Variants in NCBP1 observed in about 807,000 individuals in gnomAD.
NCBP1 encodes nuclear cap-binding protein subunit 1.
Under a neutral mutation model 111.7 loss-of-function variants are expected in NCBP1, and 16 were observed. The ratio of observed to expected loss-of-function variants is 0.14; its 90% confidence interval spans 0.10 to 0.22. The LOEUF is 0.22. Among genes scored for constraint, NCBP1 ranks in the 10% least tolerant of loss-of-function variants. The pLI is 1.00. For missense variants in NCBP1, 607 were observed against 957.5 expected (o/e 0.63, Z 4.83); for synonymous variants, 304 against 314.3 (o/e 0.97, Z 0.35).
chr9:97,640,890 A>T lies in NCBP1; in HGVS notation c.123+8A>T. 1 of 1,572,158 alleles carries T rather than the reference A, an allele frequency of 6.4e-7. No homozygotes were observed. Among genetic ancestry groups the T allele is most frequent in the Non-Finnish European group, 8.7e-7 (1 of 1,146,778 alleles). On this transcript the variant is annotated splice_region_variant and intron_variant, in intron 2 of 22. Transcript: ENST00000375147. The stretch of plus-strand genomic sequence containing the variant: ...TGTAAAGTAGGAGAAAAGGTATGTC[A>T]CACAATAGGCACAGGCTGTGATGGG...
At chr9:97,650,819 C>T (rs1827478696) in intron 9 of NCBP1, among the ~76,000 whole-genome samples, 2 of 152,100 alleles carry the variant, frequency 1.3e-5, no homozygotes, top group South Asian at 4.1e-4. Flanking sequence ...CGTATGATGC[C>T]AGTGTGTTTG....
intron 14 of NCBP1, among the ~76,000 whole-genome samples, chr9:97,657,693 C>G (rs1225053102): frequency 6.6e-6 from 1 of 152,078 alleles, no homozygotes; most frequent in Non-Finnish European, 1.5e-5. Context: ...TTTTCTCATT[C>G]CATTATTTTT....
chr9:97,664,414 C>T lies in NCBP1; in HGVS notation c.1872C>T (p.Phe624=). ...GTGCTGCCGTAGCAAATTGGATCTT[C>T]TCTTCAGAACTATCTCGTGACTTTA... The part of the protein sequence containing the change: ...VDCAAVANWI[F]SSELSRDFTR... The change falls in exon 19 of 23, where the codon TTC becomes TTT. Residue 624 remains phenylalanine (F), a synonymous_variant. Coordinates refer to ENST00000375147, the MANE Select transcript of NCBP1 (RefSeq NM_002486.5). 6.2e-7 allele frequency: 1 copy of T among 1,611,212 alleles called. No individual in the cohort carries two copies. Among genetic ancestry groups the T allele is most frequent in the East Asian group, 2.2e-5 (1 of 44,844 alleles).
chr9:97,640,708 A>G, intron 1 of NCBP1, 86 bp from the exon 2 acceptor site: 9 of 1,053,066 alleles, frequency 8.5e-6, no homozygotes, highest in Non-Finnish European at 1.3e-5. Context: ...GCCTGGTAGA[A>G]AAGAGATTAT....
chr9:97,634,707 C>T (rs1298469726), intron 1 of NCBP1: 1 of 152,188 alleles, frequency 6.6e-6, no homozygotes, highest in African/African-American at 2.4e-5. Context: ...CACAAATCCA[C>T]ACACCAAAAA....
At chr9:97,648,954 G>C (rs1050503409) in intron 8 of NCBP1, among the ~76,000 whole-genome samples, 1 of 151,988 alleles carries the variant, frequency 6.6e-6, no homozygotes, top group Non-Finnish European at 1.5e-5. Context: ...CGTCCGCTTC[G>C]TTTTCCCAAA....
intron 4 of NCBP1, among the ~76,000 whole-genome samples, chr9:97,644,732 T>C (rs369584344): frequency 4.2e-4 from 64 of 152,318 alleles, no homozygotes; most frequent in South Asian, 3.7e-3. Context: ...TAGTATAGCA[T>C]AGAAACGTAT....
At chr9:97,670,983 T>C (rs1279865261) in intron 22 of NCBP1, 103 bp from the exon 23 acceptor site, 2 of 656,950 alleles carry the variant, frequency 3.0e-6, no homozygotes, top group African/African-American at 3.7e-5. Flanking sequence ...CCCCTTCCTC[T>C]TTTCATCATT....
chr9:97,640,612 T>A (rs1471287961), intron 1 of NCBP1, among the ~76,000 whole-genome samples, 182 bp from the exon 2 acceptor site: 1 of 152,080 alleles, frequency 6.6e-6, no homozygotes, highest in Non-Finnish European at 1.5e-5. Context: ...ATATAGTGGC[T>A]CTGGGAATGG....
Position 97,661,041 on chromosome 9 carries a change from C to G in NCBP1, c.1573C>G (p.Pro525Ala), listed in dbSNP as rs1306811071. ...AATCTTCAGCATTCTGAAAGATGTA[C>G]CAAATCCTAACCAGGATGATGACGA... ...DEIFSILKDV[P>A]NPNQDDDDDE... Residue 525 changes from proline to alanine, a missense_variant, in exon 16 of 23, where the codon CCA (proline) becomes GCA (alanine). Physicochemically the swap from Pro to Ala is conservative, Grantham distance 27. Coordinates refer to ENST00000375147, the MANE Select transcript of NCBP1 (RefSeq NM_002486.5). 7 of 1,612,672 alleles carry G rather than the reference C, an allele frequency of 4.3e-6. No homozygotes were observed.
At chr9:97,660,864 T>A (rs553054191) in intron 15 of NCBP1, 82 bp from the exon 16 acceptor site, 112 of 1,463,380 alleles carry the variant, frequency 7.7e-5, no homozygotes, top group African/African-American at 3.0e-4. Flanking sequence ...TTAAAAAAAA[T>A]TTTTCTCAGT....
intron 16 of NCBP1, among the ~76,000 whole-genome samples, chr9:97,661,427 C>A (rs1465993935): frequency 6.6e-6 from 1 of 152,164 alleles, no homozygotes; most frequent in Non-Finnish European, 1.5e-5. Context: ...TAATGTTTAA[C>A]ATTTACTCAG....
rs1184462536 is a variant in NCBP1, at chr9:97,640,833, A to G, written c.74A>G (p.Asn25Ser). The G allele has an allele frequency of 3.1e-6, 5 of 1,610,174 alleles. No homozygotes were observed. The highest frequency in any genetic ancestry group is 4.2e-6 in the Non-Finnish European group (5 of 1,178,266). The change falls in exon 2 of 23, where the codon AAT (asparagine) becomes AGT (serine). Residue 25 changes from asparagine to serine, a missense_variant. Coordinates refer to ENST00000375147, the MANE Select transcript of NCBP1 (RefSeq NM_002486.5). The stretch of plus-strand genomic sequence containing the variant: ...AAAAGGAGAAAGACCTCTGATGCAA[A>G]TGAAACTGAAGATCATTTGGAATCT... ...PHKRRKTSDA[N>S]ETEDHLESLI...
intron 6 of NCBP1, 132 bp from the exon 7 acceptor site, chr9:97,647,360 C>A: frequency 1.6e-6 from 1 of 633,706 alleles, no homozygotes; most frequent in Non-Finnish European, 2.8e-6. Flanking sequence ...ATTATCAAAA[C>A]AGTTGATATC....
chr9:97,669,490 C>G, intron 21 of NCBP1, 103 bp from the exon 22 acceptor site: 1 of 721,716 alleles, frequency 1.4e-6, no homozygotes, highest in South Asian at 1.7e-5. Flanking sequence ...ACCACAAAGA[C>G]AGGGTGGAAC....
At chr9:97,638,934 A>T (rs866585091) in intron 1 of NCBP1, among the ~76,000 whole-genome samples, 1 of 152,190 alleles carries the variant, frequency 6.6e-6, no homozygotes, top group Non-Finnish European at 1.5e-5. Flanking sequence ...CAGCTTGCGT[A>T]AATATTACAT....
intron 7 of NCBP1, 132 bp downstream of exon 7, chr9:97,647,693 A>G: frequency 1.3e-6 from 1 of 763,268 alleles, no homozygotes; most frequent in South Asian, 1.8e-5. Flanking sequence ...GTTCCTTCTC[A>G]TAGCTCAAGG....
chr9:97,655,192 T>C (rs932388395), intron 12 of NCBP1, among the ~76,000 whole-genome samples: 1 of 152,232 alleles, frequency 6.6e-6, no homozygotes, highest in Non-Finnish European at 1.5e-5. Context: ...CTCTGCCATT[T>C]ATAAAATGTT....
chr9:97,643,054 A>G (rs1024513077), intron 3 of NCBP1, 150 bp from the exon 4 acceptor site: 4 of 703,090 alleles, frequency 5.7e-6, no homozygotes, highest in Non-Finnish European at 6.5e-6. Flanking sequence ...ACATTTCTCA[A>G]TGACATGCTT....
Sources: gnomAD v4.1 joint callset for allele counts (sites outside exome capture counted in the v4.1 genomes callset) on GRCh38, gnomAD v4.1.1 for gene constraint, MANE v1.5 for transcripts, NCBI Gene and HGNC (gene_info 2026-07-23, HGNC 2026-07-21) for gene names.